FRY: variants seen among roughly 807,000 people sequenced by gnomAD.
FRY encodes the protein protein furry homolog.
In FRY, 128 loss-of-function variants were observed where a neutral mutation model predicts 348.4. That is an observed-to-expected ratio of 0.37 (90% confidence interval 0.32 to 0.43). The LOEUF (loss-of-function observed/expected upper bound fraction) is 0.43. Ranked by LOEUF, FRY falls within the 20% of genes least tolerant of loss-of-function variation. The pLI is 1.00. For missense variants in FRY, 2,736 were observed against 3,695.2 expected (o/e 0.74, Z 6.73); for synonymous variants, 1,370 against 1,374.7 (o/e 1.00, Z 0.08).
At chr13:32,225,512 A>G (rs1885536237) in intron 38 of FRY, among the ~76,000 whole-genome samples, 1 of 152,212 alleles carries the variant, frequency 6.6e-6, no homozygotes, top group Non-Finnish European at 1.5e-5. Flanking sequence ...CAAGGAGGAG[A>G]ACATCTCAAG....
rs1319545546 is a variant in FRY, at chr13:32,119,374, T to C, written c.464+1901T>C. Among the ~76,000 whole-genome samples, 5 of 152,332 alleles carry C rather than the reference T, an allele frequency of 3.3e-5. No homozygotes were observed. In the South Asian group the frequency reaches 6.2e-4, roughly 19 times the overall value. On this transcript the variant is annotated intron_variant, in intron 4 of 60. Transcript: ENST00000542859. Reference sequence around the variant, plus strand: ...GCATTTGGACTGCCAAATAAATCTGTCAAATGTCTCTGGCTCCTGGCAGTT... The same window carrying C: ...GCATTTGGACTGCCAAATAAATCTGCCAAATGTCTCTGGCTCCTGGCAGTT...
At chr13:32,282,362 T>G (rs1454941165) in intron 58 of FRY, among the ~76,000 whole-genome samples, 1 of 152,210 alleles carries the variant, frequency 6.6e-6, no homozygotes, top group Non-Finnish European at 1.5e-5. Flanking sequence ...AGAATCTATG[T>G]CAGGATATAA....
chr13:32,263,734 C>T (rs1394417834), intron 53 of FRY, among the ~76,000 whole-genome samples: 2 of 152,202 alleles, frequency 1.3e-5, no homozygotes, highest in Non-Finnish European at 1.5e-5. Flanking sequence ...TAAGGCCAGG[C>T]GCTTTGGCTC....
chr13:32,180,945 CA>C (rs1218021849), intron 23 of FRY, among the ~76,000 whole-genome samples: 5 of 152,040 alleles, frequency 3.3e-5, no homozygotes, highest in Admixed American at 3.3e-4. Flanking sequence ...AGCTGGAGTT[CA>C]GTGGCGTGAT....
intron 35 of FRY, among the ~76,000 whole-genome samples, chr13:32,215,362 G>T (rs1450471458): frequency 6.6e-6 from 1 of 152,038 alleles, no homozygotes; most frequent in Non-Finnish European, 1.5e-5. Flanking sequence ...CACATTAAAT[G>T]CCTGTATCAA....
chr13:32,064,150 A>G (rs1010352248), intron 1 of FRY, among the ~76,000 whole-genome samples: 2 of 152,166 alleles, frequency 1.3e-5, no homozygotes, highest in Admixed American at 6.5e-5. Context: ...GACAGTAAAG[A>G]TGATACAAAC....
chr13:32,147,192 C>A, intron 11 of FRY, 90 bp from the exon 12 acceptor site: 1 of 783,732 alleles, frequency 1.3e-6, no homozygotes, highest in African/African-American at 1.7e-5. Flanking sequence ...CTGGAGCTTG[C>A]CTTTTCCAGG....
intron 56 of FRY, among the ~76,000 whole-genome samples, chr13:32,276,223 A>G (rs1302948579): frequency 2.0e-5 from 3 of 152,214 alleles, no homozygotes; most frequent in Non-Finnish European, 4.4e-5. Context: ...GGTATGTCTT[A>G]TCTGCCTATA....
chr13:32,221,254 A>G (rs1885297279), intron 36 of FRY, among the ~76,000 whole-genome samples: 1 of 152,246 alleles, frequency 6.6e-6, no homozygotes, highest in East Asian at 1.9e-4. Flanking sequence ...GACCAGCAGC[A>G]TCAAACCAAT....
chr13:32,184,689 C>T lies in FRY; in HGVS notation c.3144C>T (p.Asp1048=), dbSNP rs1315704384. ...TGGCTGATGCTGGTGTAATAAGTGA[C>T]AGGTAGGATCAGAATTCTACCGAGT... is the stretch of plus-strand genomic sequence containing the variant. ...ELLADAGVIS[D]STNGALERDT... is the part of the protein sequence containing the mutation. The change falls in exon 25 of 61, where the codon GAC becomes GAT. Residue 1048 remains aspartate (D), a splice_region_variant and synonymous_variant. Transcript: ENST00000542859. 1.3e-6 allele frequency: 2 copies of T among 1,555,364 alleles called. No homozygotes were observed. The highest frequency in any genetic ancestry group is 1.7e-4 in the Middle Eastern group (1 of 5,954).
chr13:32,271,705 G>A (rs892778628), intron 55 of FRY, among the ~76,000 whole-genome samples: 7 of 152,206 alleles, frequency 4.6e-5, no homozygotes, highest in Non-Finnish European at 5.9e-5. Context: ...CAATGTCCTC[G>A]CAGAAGATGA....
chr13:32,131,942 G>A (rs1230453419), intron 8 of FRY, 102 bp downstream of exon 8: 9 of 886,344 alleles, frequency 1.0e-5, no homozygotes, highest in South Asian at 2.6e-5. Context: ...TTGTCAATAC[G>A]GAGAAACATT....
chr13:32,160,197 G>A (rs1881361131), intron 16 of FRY, among the ~76,000 whole-genome samples: 1 of 152,104 alleles, frequency 6.6e-6, no homozygotes, highest in Admixed American at 6.6e-5. Flanking sequence ...TACAGTTACT[G>A]TTCCAAAAAG....
At chr13:32,199,428 C>T (rs1883873562) in intron 29 of FRY, among the ~76,000 whole-genome samples, 1 of 152,186 alleles carries the variant, frequency 6.6e-6, no homozygotes, top group Non-Finnish European at 1.5e-5. Context: ...TCAAGCAGTA[C>T]AGACAGGTGG....
intron 17 of FRY, among the ~76,000 whole-genome samples, chr13:32,169,039 T>C (rs1484953075): frequency 6.6e-6 from 1 of 152,234 alleles, no homozygotes; most frequent in Non-Finnish European, 1.5e-5. Flanking sequence ...CTTGTATTTG[T>C]TGGTGATAAT....
At chr13:32,108,957 GGGGCT>G (rs1451255897) in intron 3 of FRY, among the ~76,000 whole-genome samples, 1 of 152,112 alleles carries the variant, frequency 6.6e-6, no homozygotes, top group African/African-American at 2.4e-5. Context: ...CCAGTGGGAT[GGGGCT>G]GTATGCATAC....
chr13:32,290,682 G>A (rs1344015748), intron 59 of FRY, among the ~76,000 whole-genome samples: 1 of 152,122 alleles, frequency 6.6e-6, no homozygotes, highest in Non-Finnish European at 1.5e-5. Flanking sequence ...AGCTAGAACA[G>A]AGACATGGAG....
intron 11 of FRY, among the ~76,000 whole-genome samples, chr13:32,145,055 G>A (rs889215186): frequency 5.3e-5 from 8 of 152,176 alleles, no homozygotes; most frequent in Non-Finnish European, 1.2e-4. Flanking sequence ...AGGAATGGGG[G>A]TGGAAGGACA....
At chr13:32,291,652 G>A (rs1424416902) in intron 59 of FRY, among the ~76,000 whole-genome samples, 1 of 152,046 alleles carries the variant, frequency 6.6e-6, no homozygotes, top group African/African-American at 2.4e-5. Flanking sequence ...TGATCCACCT[G>A]CCTCGGCCCC....
Sources: gnomAD v4.1 joint callset for allele counts (sites outside exome capture counted in the v4.1 genomes callset) on GRCh38, gnomAD v4.1.1 for gene constraint, MANE v1.5 for transcripts, NCBI Gene and HGNC (gene_info 2026-07-23, HGNC 2026-07-21) for gene names.